DISC1: variants seen among roughly 807,000 people sequenced by gnomAD.
DISC1 encodes DISC1 scaffold protein.
A neutral mutation model predicts 84.5 loss-of-function variants in DISC1; 57 were observed. That is an observed-to-expected ratio of 0.67 (90% confidence interval 0.55 to 0.84). The LOEUF (loss-of-function observed/expected upper bound fraction) is 0.84, where lower values mean the gene tolerates loss of function less well. DISC1 is among the 40% of genes least tolerant of loss of function. The probability of loss-of-function intolerance (pLI) is 0.00; values close to 1 mark genes in which losing one functional copy is unlikely to be tolerated. For synonymous variants in DISC1, 411 were observed against 415.2 expected (o/e 0.99, Z 0.12); for missense variants, 1,000 against 1,057.8 (o/e 0.95, Z 0.76).
chr1:231,799,431 G>A (rs1390098484), intron 7 of DISC1, among the ~76,000 whole-genome samples: 3 of 152,088 alleles, frequency 2.0e-5, no homozygotes, highest in African/African-American at 4.8e-5. Context: ...CATAGAGCTC[G>A]TATCCCGGCA....
chr1:231,993,293 G>A lies in DISC1; in HGVS notation c.2043-15492G>A, dbSNP rs938582102. On this transcript the variant is annotated intron_variant, in intron 10 of 12. Coordinates refer to ENST00000439617, the MANE Select transcript of DISC1 (RefSeq NM_018662.3). ...GAATGAGTCCAGAGTAGGGCTGAGG[G>A]CATCTTGGGAAAGGCCTCTGAGAAT... Among the ~76,000 whole-genome samples, 3 of 151,892 alleles carry A rather than the reference G, an allele frequency of 2.0e-5. No homozygotes were observed. In the East Asian group the frequency reaches 5.8e-4, roughly 29 times the overall value.
intron 3 of DISC1, among the ~76,000 whole-genome samples, chr1:231,724,960 C>T (rs2070412754): frequency 6.6e-6 from 1 of 152,160 alleles, no homozygotes; most frequent in African/African-American, 2.4e-5. Context: ...CATTAGTGCT[C>T]TTTGTTGTCC....
chr1:231,780,237 T>TAAAAAAAA (rs11451092), intron 6 of DISC1, among the ~76,000 whole-genome samples: 3 of 103,932 alleles, frequency 2.9e-5, no homozygotes, highest in African/African-American at 6.4e-5. Context: ...TAAAGTATAA[T>TAAAAAAAA]AAAAAAAAAA....
chr1:231,813,677 G>T (rs1055501154), intron 8 of DISC1, among the ~76,000 whole-genome samples: 4 of 152,172 alleles, frequency 2.6e-5, no homozygotes, highest in African/African-American at 7.2e-5. Flanking sequence ...GGCATTTGGG[G>T]CACTATTGTT....
chr1:231,811,734 T>C (rs1366851992), intron 8 of DISC1, among the ~76,000 whole-genome samples: 1 of 152,214 alleles, frequency 6.6e-6, no homozygotes, highest in African/African-American at 2.4e-5. Flanking sequence ...TTTCTCACTT[T>C]AGTGATGATT....
intron 9 of DISC1, among the ~76,000 whole-genome samples, chr1:231,862,132 A>G (rs913161686): frequency 4.6e-5 from 7 of 152,214 alleles, no homozygotes; most frequent in Admixed American, 2.0e-4. Flanking sequence ...TACTTTACGG[A>G]TGATAAAAAG....
At chr1:231,898,193 A>G (rs1315151725) in intron 9 of DISC1, among the ~76,000 whole-genome samples, 1 of 152,254 alleles carries the variant, frequency 6.6e-6, no homozygotes, top group Non-Finnish European at 1.5e-5. Flanking sequence ...ATGTTTAACA[A>G]TGGTTATAAT....
At chr1:231,638,219 C>T (rs1218610291) in intron 1 of DISC1, among the ~76,000 whole-genome samples, 1 of 152,104 alleles carries the variant, frequency 6.6e-6, no homozygotes, top group African/African-American at 2.4e-5. Context: ...GGGTTCCTTG[C>T]ATATTCTGGA....
chr1:231,851,740 C>T lies in DISC1; in HGVS notation c.1981+33223C>T, dbSNP rs112347448. Among the ~76,000 whole-genome samples the T allele has an allele frequency of 1.1e-4, 17 of 152,310 alleles. 1 individual carries two copies. Among genetic ancestry groups the T allele is most frequent in the African/African-American group, 3.8e-4 (16 of 41,576 alleles). On this transcript the variant is annotated intron_variant, in intron 9 of 12. Transcript: ENST00000439617. Reference sequence around the variant, plus strand: ...AAGGGCAGCCAGGCTGGCTGGTCTTCATGTGGGCCAGTTGAGTGGGAATGC... The same window carrying T: ...AAGGGCAGCCAGGCTGGCTGGTCTTTATGTGGGCCAGTTGAGTGGGAATGC...
chr1:231,795,854 A>T (rs903537384), intron 7 of DISC1, among the ~76,000 whole-genome samples: 1 of 152,148 alleles, frequency 6.6e-6, no homozygotes, highest in African/African-American at 2.4e-5. Context: ...GCACCATTGC[A>T]TTCCAGCCTG....
intron 10 of DISC1, among the ~76,000 whole-genome samples, chr1:231,961,914 T>G (rs1432833659): frequency 6.6e-6 from 1 of 152,210 alleles, no homozygotes; most frequent in Admixed American, 6.5e-5. Context: ...GATTGCTGGG[T>G]TGAATGGCAG....
intron 9 of DISC1, among the ~76,000 whole-genome samples, chr1:231,882,903 G>T (rs1300111684): frequency 6.6e-6 from 1 of 151,956 alleles, no homozygotes; most frequent in Non-Finnish European, 1.5e-5. Context: ...AGGATACAGG[G>T]CTGGGCACCT....
At chr1:231,751,324 A>G (rs1319136718) in intron 4 of DISC1, among the ~76,000 whole-genome samples, 3 of 152,248 alleles carry the variant, frequency 2.0e-5, no homozygotes, top group South Asian at 2.1e-4. Context: ...AGATTGAGGC[A>G]CAATAAATTT....
At chr1:231,780,455 A>G (rs2077330834) in intron 6 of DISC1, among the ~76,000 whole-genome samples, 1 of 150,986 alleles carries the variant, frequency 6.6e-6, no homozygotes, top group South Asian at 2.1e-4. Flanking sequence ...CAAAACCACA[A>G]TGAGATACCA....
At chr1:231,715,858 G>C (rs1215472034) in intron 3 of DISC1, among the ~76,000 whole-genome samples, 2 of 152,188 alleles carry the variant, frequency 1.3e-5, no homozygotes, top group South Asian at 4.1e-4. Flanking sequence ...GAAATGTTTA[G>C]TAACTGTCTC....
In DISC1 at chr1:231,818,482, T is replaced by C. The variant is rs1350953507; in HGVS notation, c.1946T>C (p.Leu649Pro). The C allele has an allele frequency of 1.9e-6, 3 of 1,614,018 alleles. No homozygotes were observed. Among genetic ancestry groups the C allele is most frequent in the African/African-American group, 1.3e-5 (1 of 74,906 alleles). The change falls in exon 9 of 13, where the codon CTG (leucine) becomes CCG (proline). Residue 649 changes from leucine to proline, a missense_variant. Leu to Pro is a moderately conservative substitution (Grantham distance 98). This residue lies in a region of DISC1 where 397 missense variants were observed against 377.5 expected (regional missense o/e 1.05). Coordinates refer to ENST00000439617, the MANE Select transcript of DISC1 (RefSeq NM_018662.3). The stretch of plus-strand genomic sequence containing the variant: ...AGTGTTAAAGAAGATTACAACAGAC[T>C]GAGAAGAGAAGTGGAGCACCAGGAG... The part of the protein sequence containing the change: ...LGSVKEDYNR[L>P]RREVEHQETA...
chr1:231,993,355 C>T (rs202226377), intron 10 of DISC1, among the ~76,000 whole-genome samples: 3 of 150,950 alleles, frequency 2.0e-5, no homozygotes, highest in Non-Finnish European at 4.4e-5. Flanking sequence ...GAGGCATTCA[C>T]GTTTTTGGAG....
At chr1:231,669,753 A>C (rs1045360790) in intron 1 of DISC1, among the ~76,000 whole-genome samples, 2 of 152,048 alleles carry the variant, frequency 1.3e-5, no homozygotes, top group South Asian at 2.1e-4. Context: ...GGAGAAAAAA[A>C]CGCTTATATG....
At chr1:231,871,456 C>A (rs1033832096) in intron 9 of DISC1, among the ~76,000 whole-genome samples, 1 of 152,206 alleles carries the variant, frequency 6.6e-6, no homozygotes, top group African/African-American at 2.4e-5. Context: ...ACACGCTCTT[C>A]TGCCCATAGT....
Sources: gnomAD v4.1 joint callset for allele counts (sites outside exome capture counted in the v4.1 genomes callset) on GRCh38, gnomAD v4.1.1 for gene constraint, gnomAD v4.1.1 regional missense constraint, MANE v1.5 for transcripts, NCBI Gene and HGNC (gene_info 2026-07-23, HGNC 2026-07-21) for gene names.